PTPRD: variants seen among roughly 807,000 people sequenced by gnomAD.
PTPRD encodes the protein protein tyrosine phosphatase receptor type D, also known as receptor-type tyrosine-protein phosphatase delta.
A neutral mutation model predicts 214.5 loss-of-function variants in PTPRD; 34 were observed. The ratio of observed to expected loss-of-function variants is 0.16; its 90% CI spans 0.12 to 0.21. The LOEUF (loss-of-function observed/expected upper bound fraction) is 0.21, where lower values mean the gene tolerates loss of function less well. Among genes scored for constraint, PTPRD ranks in the 10% least tolerant of loss-of-function variants. The probability of loss-of-function intolerance (pLI) is 1.00; values close to 1 mark genes in which losing one functional copy is unlikely to be tolerated. For synonymous variants in PTPRD, 1,128 were observed against 845.7 expected, an observed-to-expected ratio of 1.33 and a Z score of -5.79; for missense variants, 2,545 against 2,398.7, an observed-to-expected ratio of 1.06 and a Z score of -1.27.
At chr9:9,958,337 C>A (rs1183308893) in intron 4 of PTPRD, among the ~76,000 whole-genome samples, 1 of 152,106 alleles carries the variant, frequency 6.6e-6, no homozygotes, top group Non-Finnish European at 1.5e-5. Context: ...CAAGGCCAGC[C>A]TGACCAACAT....
intron 3 of PTPRD, among the ~76,000 whole-genome samples, chr9:10,085,366 G>C (rs2098317457): frequency 6.6e-6 from 1 of 151,608 alleles, no homozygotes; most frequent in African/African-American, 2.4e-5. Flanking sequence ...GAATATAAGA[G>C]GTAATAAATT....
At chr9:10,317,137 T>C (rs2096456155) in intron 3 of PTPRD, among the ~76,000 whole-genome samples, 1 of 151,924 alleles carries the variant, frequency 6.6e-6, no homozygotes, top group Non-Finnish European at 1.5e-5. Flanking sequence ...TTGAGCAATA[T>C]AGAAACACTA....
intron 3 of PTPRD, among the ~76,000 whole-genome samples, chr9:10,255,779 T>C (rs534811525): frequency 6.6e-6 from 1 of 152,328 alleles, no homozygotes; most frequent in South Asian, 2.1e-4. Flanking sequence ...ATATCCTTAT[T>C]CTATACAGTT....
intron 11 of PTPRD, among the ~76,000 whole-genome samples, chr9:8,923,019 C>T (rs1383287159): frequency 1.6e-5 from 2 of 124,526 alleles, no homozygotes; most frequent in African/African-American, 3.3e-5. Context: ...TCCTTTGTTT[C>T]TTTTTCTCTC....
chr9:10,423,413 C>A (rs570553127), intron 2 of PTPRD, among the ~76,000 whole-genome samples: 129 of 151,944 alleles, frequency 8.5e-4, no homozygotes, highest in African/African-American at 2.9e-3. Context: ...ATGTAACAAA[C>A]CTGCATGTTG....
At chr9:8,846,604 T>C (rs1205982575) in intron 11 of PTPRD, among the ~76,000 whole-genome samples, 1 of 151,874 alleles carries the variant, frequency 6.6e-6, no homozygotes, top group Non-Finnish European at 1.5e-5. Flanking sequence ...CAGGCAAAAA[T>C]GGAAGGGTTG....
intron 2 of PTPRD, among the ~76,000 whole-genome samples, chr9:10,565,953 T>C (rs1356652198): frequency 6.6e-6 from 1 of 152,072 alleles, no homozygotes; most frequent in Non-Finnish European, 1.5e-5. Context: ...CTTCTGCTTT[T>C]CTTCATAATT....
Position 9,222,744 on chromosome 9 carries a change from T to C in PTPRD, c.-202-39381A>G, listed in dbSNP as rs143510166. On this transcript the variant is annotated intron_variant, in intron 9 of 45. Coordinates refer to ENST00000381196, the MANE Select transcript of PTPRD (RefSeq NM_002839.4). ...GGAGATCACTGAAAATATCAATAGATGTTGTTTACAGTTTGAAGTGAACTG... is the reference window on the plus strand; with the variant it reads ...GGAGATCACTGAAAATATCAATAGACGTTGTTTACAGTTTGAAGTGAACTG... 4.4e-3 allele frequency among the ~76,000 whole-genome samples: 663 copies of C among 152,152 alleles called. 21 individuals carry two copies. Among genetic ancestry groups the C allele is most frequent in the Admixed American group, 0.039 (596 of 15,230 alleles).
intron 2 of PTPRD, among the ~76,000 whole-genome samples, chr9:10,464,890 A>G (rs1344613720): frequency 6.6e-6 from 1 of 152,158 alleles, no homozygotes; most frequent in Non-Finnish European, 1.5e-5. Context: ...ATAAAATACT[A>G]TTTTAGAAAT....
intron 4 of PTPRD, among the ~76,000 whole-genome samples, chr9:9,972,568 T>C (rs1173804834): frequency 6.6e-6 from 1 of 152,220 alleles, no homozygotes; most frequent in African/African-American, 2.4e-5. Context: ...TAATACATTA[T>C]ATACACATTA....
chr9:9,262,016 A>G (rs1238571889), intron 9 of PTPRD, among the ~76,000 whole-genome samples: 1 of 151,746 alleles, frequency 6.6e-6, no homozygotes, highest in Non-Finnish European at 1.5e-5. Context: ...ATAGAACTCT[A>G]CAAAGCCCTC....
intron 8 of PTPRD, among the ~76,000 whole-genome samples, chr9:9,573,379 G>A (rs761053478): frequency 1.9e-4 from 29 of 150,806 alleles, no homozygotes; most frequent in Admixed American, 4.0e-4. Context: ...ACTAGAAAGA[G>A]TATAACAGGA....
At chr9:10,232,215 C>G (rs969778723) in intron 3 of PTPRD, among the ~76,000 whole-genome samples, 5 of 151,784 alleles carry the variant, frequency 3.3e-5, no homozygotes, top group African/African-American at 4.8e-5. Context: ...GCTAAATACA[C>G]CTTTTTTCCT....
At chr9:10,116,326 A>C (rs1179324921) in intron 3 of PTPRD, among the ~76,000 whole-genome samples, 1 of 152,086 alleles carries the variant, frequency 6.6e-6, no homozygotes, top group Non-Finnish European at 1.5e-5. Flanking sequence ...ACAAATGGTT[A>C]TTAACTTTGA....
intron 44 of PTPRD, among the ~76,000 whole-genome samples, chr9:8,325,469 G>C (rs1353203172): frequency 1.3e-5 from 2 of 148,958 alleles, no homozygotes; most frequent in Admixed American, 7.0e-5. Context: ...TTTGGTACCA[G>C]TACCATGCTG....
chr9:9,848,018 G>GAA (rs2059869295), intron 5 of PTPRD, among the ~76,000 whole-genome samples: 2 of 152,148 alleles, frequency 1.3e-5, no homozygotes, highest in African/African-American at 4.8e-5. Context: ...AAGCAGCATT[G>GAA]AAGACTTTTC....
chr9:9,988,023 C>T (rs897982691), intron 4 of PTPRD, among the ~76,000 whole-genome samples: 1 of 152,028 alleles, frequency 6.6e-6, no homozygotes, highest in African/African-American at 2.4e-5. Flanking sequence ...ATATCAATAA[C>T]AAAGAATTTA....
chr9:9,832,335 G>A (rs1184639211), intron 5 of PTPRD, among the ~76,000 whole-genome samples: 4 of 151,834 alleles, frequency 2.6e-5, no homozygotes, highest in Non-Finnish European at 5.9e-5. Flanking sequence ...CTATCTATAG[G>A]GATGGATATC....
At chr9:9,982,160 G>A (rs1745507249) in intron 4 of PTPRD, among the ~76,000 whole-genome samples, 1 of 152,132 alleles carries the variant, frequency 6.6e-6, no homozygotes. Context: ...CGAAAGGGTT[G>A]CCAAAATACA....
Sources: gnomAD v4.1 joint callset for allele counts (sites outside exome capture counted in the v4.1 genomes callset) on GRCh38, gnomAD v4.1.1 for gene constraint, MANE v1.5 for transcripts, NCBI Gene and HGNC (gene_info 2026-07-23, HGNC 2026-07-21) for gene names.